The following ARHGAP26 variants were observed in gnomAD, a reference collection of about 807,000 sequenced individuals.
ARHGAP26 encodes rho GTPase-activating protein 26.
Under a neutral mutation model 104.8 loss-of-function variants are expected in ARHGAP26, and 38 were observed. That is an observed-to-expected ratio of 0.36 (90% CI 0.28 to 0.48). The LOEUF (loss-of-function observed/expected upper bound fraction) is 0.48. ARHGAP26 is among the 20% of genes least tolerant of loss of function. The pLI is 0.99. For synonymous variants in ARHGAP26, 341 were observed against 340.0 expected (o/e 1.00, Z -0.03); for missense variants, 704 against 947.9 (o/e 0.74, Z 3.38).
intron 1 of ARHGAP26, among the ~76,000 whole-genome samples, chr5:142,785,466 A>G (rs114811941): frequency 2.2e-4 from 34 of 152,292 alleles, no homozygotes; most frequent in Non-Finnish European, 4.3e-4. Context: ...CTGGTTTCAC[A>G]CTTCTTTTGT....
chr5:143,081,727 G>C (rs1211574438), intron 17 of ARHGAP26, among the ~76,000 whole-genome samples: 1 of 152,152 alleles, frequency 6.6e-6, no homozygotes. Flanking sequence ...AAAAATGGTA[G>C]CTTTTGCTGG....
chr5:143,216,158 G>A (rs1179542671), intron 22 of ARHGAP26: 1 of 471,602 alleles, frequency 2.1e-6, no homozygotes, highest in African/African-American at 2.0e-5. Flanking sequence ...CTGGATGATT[G>A]TTAACTGCCA....
At chr5:142,779,880 A>G (rs1297719439) in intron 1 of ARHGAP26, among the ~76,000 whole-genome samples, 1 of 152,236 alleles carries the variant, frequency 6.6e-6, no homozygotes, top group Non-Finnish European at 1.5e-5. Flanking sequence ...TCGAACAAAT[A>G]AAATAAGGCA....
intron 17 of ARHGAP26, among the ~76,000 whole-genome samples, chr5:143,120,378 T>C (rs752894490): frequency 1.3e-4 from 20 of 152,216 alleles, no homozygotes; most frequent in Non-Finnish European, 2.6e-4. Context: ...GCCATATAGA[T>C]GAATATACAC....
chr5:142,771,509 G>A, intron 1 of ARHGAP26: 1 of 931,400 alleles, frequency 1.1e-6, no homozygotes, highest in Non-Finnish European at 1.4e-6. Context: ...TCTGGAATCA[G>A]TACGTGCGCA....
At chr5:143,039,687 T>G (rs2150136934) in intron 13 of ARHGAP26, among the ~76,000 whole-genome samples, 1 of 152,206 alleles carries the variant, frequency 6.6e-6, no homozygotes, top group South Asian at 2.1e-4. Context: ...TATTCGTCTC[T>G]CAGTCTTCAG....
At chr5:143,090,326 A>G (rs2150520787) in intron 17 of ARHGAP26, among the ~76,000 whole-genome samples, 1 of 152,386 alleles carries the variant, frequency 6.6e-6, no homozygotes, top group South Asian at 2.1e-4. Flanking sequence ...GCGCACAAGC[A>G]TAACAATTGC....
At chr5:142,889,921 G>A (rs1050238430) in intron 5 of ARHGAP26, among the ~76,000 whole-genome samples, 7 of 150,534 alleles carry the variant, frequency 4.7e-5, no homozygotes, top group African/African-American at 1.7e-4. Context: ...GATCACCTGA[G>A]GTCTGGAGTT....
chr5:143,192,943 A>G (rs918796675), intron 20 of ARHGAP26, among the ~76,000 whole-genome samples: 4 of 152,188 alleles, frequency 2.6e-5, no homozygotes, highest in African/African-American at 9.7e-5. Flanking sequence ...AAGAGCATTC[A>G]TATGCAGTAG....
intron 1 of ARHGAP26, among the ~76,000 whole-genome samples, chr5:142,846,604 T>C (rs766390003): frequency 1.3e-4 from 20 of 152,208 alleles, no homozygotes; most frequent in Non-Finnish European, 2.5e-4. Context: ...TCCTCTGCTG[T>C]GACCACCCCT....
At chr5:142,932,422 C>G (rs1180289120) in intron 11 of ARHGAP26, among the ~76,000 whole-genome samples, 1 of 152,220 alleles carries the variant, frequency 6.6e-6, no homozygotes, top group Non-Finnish European at 1.5e-5. Context: ...ACTTACCTCC[C>G]CTTATAAGCA....
At chr5:143,126,077 A>G (rs553498294) in intron 18 of ARHGAP26, among the ~76,000 whole-genome samples, 1 of 152,370 alleles carries the variant, frequency 6.6e-6, no homozygotes, top group East Asian at 1.9e-4. Context: ...TTATCAAGAT[A>G]GAACTAACTA....
chr5:143,135,264 A>G (rs1262211633), intron 19 of ARHGAP26, among the ~76,000 whole-genome samples: 1 of 152,184 alleles, frequency 6.6e-6, no homozygotes, highest in African/African-American at 2.4e-5. Context: ...CTTTTCTGCA[A>G]AATAGGGTTG....
intron 11 of ARHGAP26, among the ~76,000 whole-genome samples, chr5:142,990,381 T>A (rs1455302935): frequency 6.6e-6 from 1 of 152,186 alleles, no homozygotes; most frequent in Non-Finnish European, 1.5e-5. Context: ...GTTTTTAGCT[T>A]CTTTGTGATG....
chr5:143,174,841 A>T (rs951882046), intron 20 of ARHGAP26, among the ~76,000 whole-genome samples: 1 of 152,236 alleles, frequency 6.6e-6, no homozygotes, highest in African/African-American at 2.4e-5. Flanking sequence ...GAGTTTCTAA[A>T]CAAGTGAGCA....
chr5:142,804,939 C>T (rs745346459), intron 1 of ARHGAP26, among the ~76,000 whole-genome samples: 6 of 152,106 alleles, frequency 3.9e-5, no homozygotes, highest in Non-Finnish European at 7.3e-5. Flanking sequence ...TGGAATCATT[C>T]AACGTATGAT....
At chr5:142,803,816 G>A (rs1463238061) in intron 1 of ARHGAP26, among the ~76,000 whole-genome samples, 1 of 152,162 alleles carries the variant, frequency 6.6e-6, no homozygotes, top group Admixed American at 6.5e-5. Context: ...TGCATGCCAA[G>A]GGAACGCACA....
intron 1 of ARHGAP26, among the ~76,000 whole-genome samples, chr5:142,773,417 T>C (rs547819633): frequency 1.3e-5 from 2 of 152,350 alleles, no homozygotes; most frequent in South Asian, 4.1e-4. Context: ...TTTTGAGTGT[T>C]AATCATAGGC....
chr5:143,134,322 G>A (rs1019132940), intron 19 of ARHGAP26, among the ~76,000 whole-genome samples: 6 of 152,200 alleles, frequency 3.9e-5, no homozygotes, highest in South Asian at 2.1e-4. Flanking sequence ...CTGCCATTGA[G>A]GATTCTCTTT....
Sources: gnomAD v4.1 joint callset for allele counts (sites outside exome capture counted in the v4.1 genomes callset) on GRCh38, gnomAD v4.1.1 for gene constraint, MANE v1.5 for transcripts, NCBI Gene and HGNC (gene_info 2026-07-23, HGNC 2026-07-21) for gene names.